IFT80: variants seen among roughly 807,000 people sequenced by gnomAD.
IFT80 encodes the protein intraflagellar transport protein 80 homolog.
Under a neutral mutation model 107.9 loss-of-function variants are expected in IFT80, and 79 were observed. That is an observed-to-expected ratio of 0.73 (90% CI 0.61 to 0.88). The LOEUF is 0.88. Ranked by LOEUF, IFT80 falls within the 40% of genes least tolerant of loss-of-function variation. IFT80 has a pLI of 0.00. For missense variants in IFT80, 797 were observed against 914.2 expected (o/e 0.87, Z 1.65); for synonymous variants, 299 against 300.9 (o/e 0.99, Z 0.07).
At chr3:160,285,753 G>T (rs1553754123) in intron 13 of IFT80, 51 bp downstream of exon 13, 4 of 1,138,332 alleles carry the variant, frequency 3.5e-6, no homozygotes, top group East Asian at 4.8e-5. Context: ...TTTTGAAAAG[G>T]AAATAAATAA....
rs187862036 is a variant in IFT80, at chr3:160,281,030, C to T, written c.1517-216G>A. Among the ~76,000 whole-genome samples the T allele has an allele frequency of 5.9e-3, 896 of 152,248 alleles. 15 individuals are homozygous for T. Among genetic ancestry groups the T allele is most frequent in the African/African-American group, 0.02 (818 of 41,548 alleles). On this transcript the variant is annotated intron_variant, in intron 14 of 19. Coordinates refer to ENST00000326448, the MANE Select transcript of IFT80 (RefSeq NM_020800.3). The stretch of plus-strand genomic sequence containing the variant: ...TACTTAGAACCCTTATATTTTTAAT[C>T]TGTAAATCTTTCTTTCAGTGACAAT...
intron 8 of IFT80, among the ~76,000 whole-genome samples, chr3:160,323,136 C>T (rs1718389828): frequency 6.7e-6 from 1 of 149,040 alleles, no homozygotes; most frequent in Non-Finnish European, 1.5e-5. Context: ...AATGGTAATG[C>T]CTAGGTTTTC....
At chr3:160,352,762 A>C (rs1217956001) in intron 8 of IFT80, among the ~76,000 whole-genome samples, 1 of 152,190 alleles carries the variant, frequency 6.6e-6, no homozygotes, top group Admixed American at 6.5e-5. Flanking sequence ...TCAGGCAAAC[A>C]CCCAGACAAT....
chr3:160,317,233 C>T (rs187693092), intron 9 of IFT80, among the ~76,000 whole-genome samples: 1 of 151,792 alleles, frequency 6.6e-6, no homozygotes, highest in African/African-American at 2.4e-5. Context: ...ATGAATAGGC[C>T]TAACTTAGCA....
chr3:160,396,601 G>A (rs1193909153), intron 1 of IFT80, among the ~76,000 whole-genome samples: 2 of 152,120 alleles, frequency 1.3e-5, no homozygotes, highest in Admixed American at 6.5e-5. Context: ...TGTAAAAAGT[G>A]AGGTTTTCCT....
At chr3:160,364,470 A>C (rs1162638092) in intron 6 of IFT80, among the ~76,000 whole-genome samples, 8 of 152,210 alleles carry the variant, frequency 5.3e-5, no homozygotes, top group Non-Finnish European at 1.0e-4. Context: ...TAGAACTAGA[A>C]ATACCATTTG....
intron 12 of IFT80, among the ~76,000 whole-genome samples, chr3:160,300,387 A>G (rs1352628636): frequency 1.3e-5 from 2 of 152,104 alleles, no homozygotes; most frequent in Non-Finnish European, 2.9e-5. Flanking sequence ...ATATTTATTT[A>G]TAACTACTAA....
At chr3:160,344,248 T>C (rs1720122213) in intron 8 of IFT80, among the ~76,000 whole-genome samples, 1 of 152,228 alleles carries the variant, frequency 6.6e-6, no homozygotes, top group Admixed American at 6.5e-5. Flanking sequence ...TCCTTTTGTA[T>C]AATTTCTATC....
intron 8 of IFT80, among the ~76,000 whole-genome samples, chr3:160,349,988 C>T (rs1011588403): frequency 6.6e-6 from 1 of 152,182 alleles, no homozygotes; most frequent in Non-Finnish European, 1.5e-5. Context: ...TTACTAACAG[C>T]AGCCTGTTCC....
At chr3:160,326,113 C>G (rs1718658109) in intron 8 of IFT80, among the ~76,000 whole-genome samples, 1 of 151,940 alleles carries the variant, frequency 6.6e-6, no homozygotes, top group Admixed American at 6.6e-5. Context: ...ACCTACATAA[C>G]AAACCTGCAC....
In IFT80 at chr3:160,376,706, C is replaced by T. The variant is rs146602288; in HGVS notation, c.370+724G>A. Among the ~76,000 whole-genome samples the T allele has an allele frequency of 9.8e-4, 149 of 152,322 alleles. 1 individual carries two copies. The highest frequency in any genetic ancestry group is 1.5e-3 in the Non-Finnish European group (100 of 68,034). ...AAAAGATACAGTAGCTTCTACCTGG[C>T]TCTCTTTTGGATCACTGGGAGACAC... On this transcript the variant is annotated intron_variant, in intron 4 of 19. Coordinates refer to ENST00000326448, the MANE Select transcript of IFT80 (RefSeq NM_020800.3).
At chr3:160,393,093 A>C (rs1481732622) in intron 1 of IFT80, among the ~76,000 whole-genome samples, 1 of 152,176 alleles carries the variant, frequency 6.6e-6, no homozygotes, top group Admixed American at 6.5e-5. Context: ...AATTAGATTA[A>C]ATAAACCACT....
At chr3:160,298,002 A>C (rs1364858259) in intron 12 of IFT80, among the ~76,000 whole-genome samples, 1 of 152,172 alleles carries the variant, frequency 6.6e-6, no homozygotes, top group Non-Finnish European at 1.5e-5. Context: ...CATTTGTTTC[A>C]AATAATCACC....
chr3:160,277,693 T>C, intron 16 of IFT80, 23 bp from the exon 17 acceptor site: 1 of 1,485,498 alleles, frequency 6.7e-7, no homozygotes, highest in Non-Finnish European at 9.4e-7. Context: ...ATGAGAACAA[T>C]TATCTTAACT....
intron 12 of IFT80, among the ~76,000 whole-genome samples, chr3:160,291,986 A>G (rs935993024): frequency 6.6e-6 from 1 of 152,222 alleles, no homozygotes. Flanking sequence ...CCTCTGAGGC[A>G]CAAAATACCA....
chr3:160,347,716 G>C (rs1242913681), intron 8 of IFT80, among the ~76,000 whole-genome samples: 2 of 152,102 alleles, frequency 1.3e-5, no homozygotes, highest in African/African-American at 4.8e-5. Flanking sequence ...TATCTTTCCA[G>C]GTGATTAAAC....
chr3:160,347,962 A>G (rs1282715575), intron 8 of IFT80, among the ~76,000 whole-genome samples: 1 of 152,160 alleles, frequency 6.6e-6, no homozygotes, highest in Non-Finnish European at 1.5e-5. Context: ...TTGGATATGT[A>G]TTATCAAAAT....
chr3:160,319,163 T>C (rs2108297109), intron 9 of IFT80, among the ~76,000 whole-genome samples: 1 of 152,172 alleles, frequency 6.6e-6, no homozygotes, highest in East Asian at 1.9e-4. Flanking sequence ...AAAACTTACA[T>C]TAAATCAATT....
intron 1 of IFT80, among the ~76,000 whole-genome samples, chr3:160,389,437 G>A (rs937175035): frequency 6.7e-6 from 1 of 150,162 alleles, no homozygotes; most frequent in East Asian, 2.0e-4. Context: ...CCATTAACTC[G>A]TCATTTAGCA....
Sources: gnomAD v4.1 joint callset for allele counts (sites outside exome capture counted in the v4.1 genomes callset) on GRCh38, gnomAD v4.1.1 for gene constraint, MANE v1.5 for transcripts, NCBI Gene and HGNC (gene_info 2026-07-23, HGNC 2026-07-21) for gene names.